The following ZDHHC4 variants were observed in gnomAD, a reference collection of about 807,000 sequenced individuals.
The protein encoded by ZDHHC4 is zDHHC palmitoyltransferase 4.
In ZDHHC4, 42 loss-of-function variants were observed where a neutral mutation model predicts 36.7. That is an observed-to-expected ratio of 1.14 (90% CI 0.89 to 1.48). ZDHHC4 has a LOEUF of 1.48. Ranked by LOEUF, ZDHHC4 falls within the 40% of genes most tolerant of loss-of-function variation. ZDHHC4 has a pLI of 0.00. For synonymous variants in ZDHHC4, 189 were observed against 166.6 expected (o/e 1.13, Z -1.03); for missense variants, 457 against 421.5 (o/e 1.08, Z -0.74).
rs145081908 is a variant in ZDHHC4 at position 6,588,682 on chromosome 7, C to G, written c.807C>G (p.Leu269=). 6.1e-5 allele frequency: 98 copies of G among 1,614,084 alleles called. No homozygotes were observed. Among genetic ancestry groups the G allele is most frequent in the Non-Finnish European group, 2.7e-5 (32 of 1,180,036 alleles). ...MLGFVVVLSF[L]LGGYLLFVLY... ...GCTTTGTCGTGGTTCTGAGCTTCCT[C>G]CTGGGTGGCTACCTGTTGTTTGTCC... The change falls in exon 8 of 8, where the codon CTC becomes CTG. Residue 269 remains leucine, a synonymous_variant. Coordinates refer to ENST00000335965, the MANE Select transcript of ZDHHC4 (RefSeq NM_001134389.2).
rs770489720 is a variant in ZDHHC4, at chr7:6,583,380, G to A, written c.445G>A (p.Val149Met). 1.7e-5 allele frequency: 28 copies of A among 1,613,926 alleles called. No individual in the cohort carries two copies. In the East Asian group the frequency reaches 5.1e-4, roughly 30 times the overall value. Residue 149 changes from valine (V) to methionine (M), a missense_variant, in exon 6 of 8, where the codon GTG becomes ATG. By Grantham distance (21) the Val-to-Met change is conservative. Transcript: ENST00000335965. ...EFDEVMFPKN[V>M]RCSTCDLRKP... is the part of the protein sequence containing the mutation. Reference sequence around the variant, plus strand: ...TGATGAAGTGATGTTTCCAAAGAACGTGAGGTGCTCTACTTGTGATTTAAG... The same window carrying A: ...TGATGAAGTGATGTTTCCAAAGAACATGAGGTGCTCTACTTGTGATTTAAG...
intron 2 of ZDHHC4, among the ~76,000 whole-genome samples, chr7:6,580,074 G>T (rs890654185): frequency 2.0e-5 from 3 of 152,128 alleles, no homozygotes; most frequent in Non-Finnish European, 1.5e-5. Flanking sequence ...GGCGGAGGTT[G>T]CAGTGAGCCA....
At chr7:6,580,119 G>C (rs1166560779) in intron 2 of ZDHHC4, among the ~76,000 whole-genome samples, 2 of 151,736 alleles carry the variant, frequency 1.3e-5, no homozygotes, top group Non-Finnish European at 2.9e-5. Context: ...TGGGTAACAA[G>C]AGTGAAACTC....
chr7:6,585,376 C>A, intron 7 of ZDHHC4, 116 bp downstream of exon 7: 1 of 1,427,330 alleles, frequency 7.0e-7, no homozygotes, highest in Middle Eastern at 2.5e-4. Flanking sequence ...ATAATCCCAG[C>A]ACTTTTGGAG....
rs1413273731 is a variant in ZDHHC4, at chr7:6,582,580, C to T, written c.370+329C>T. 3.3e-5 allele frequency among the ~76,000 whole-genome samples: 5 copies of T among 152,224 alleles called. No homozygotes were observed. In the East Asian group the frequency reaches 5.8e-4, roughly 18 times the overall value. On this transcript the variant is annotated intron_variant, in intron 5 of 7. Coordinates refer to ENST00000335965, the MANE Select transcript of ZDHHC4 (RefSeq NM_001134389.2). ...TCGCCCAGGCTGCAGTGCAGTGAGG[C>T]GATCTCAGCTCGCTGCAACCTCCGC...
At chr7:6,584,951 C>T in intron 6 of ZDHHC4, 65 bp from the exon 7 acceptor site, 1 of 1,589,762 alleles carries the variant, frequency 6.3e-7, no homozygotes, top group Non-Finnish European at 8.6e-7. Context: ...AAAATCTCAG[C>T]AGGTGTGCGG....
At position 6,588,665 on chromosome 7, in the gene ZDHHC4, G is replaced by A. The variant is rs762785338; in HGVS notation, c.790G>A (p.Val264Met). The change falls in exon 8 of 8, where the codon GTG (valine) becomes ATG (methionine). Residue 264 changes from valine to methionine, a missense_variant. Physicochemically the swap from Val to Met is conservative, Grantham distance 21. Coordinates refer to ENST00000335965, the MANE Select transcript of ZDHHC4 (RefSeq NM_001134389.2). ...PRIVFMLGFVVVLSFLLGGYL... is the reference protein window; with the variant it reads ...PRIVFMLGFVMVLSFLLGGYL... The stretch of plus-strand genomic sequence containing the variant: ...GATTGTCTTCATGCTGGGCTTTGTC[G>A]TGGTTCTGAGCTTCCTCCTGGGTGG... 2.2e-5 allele frequency: 35 copies of A among 1,614,138 alleles called. 1 individual carries two copies. Among genetic ancestry groups the A allele is most frequent in the South Asian group, 1.6e-4 (15 of 91,082 alleles).
intron 5 of ZDHHC4, 41 bp downstream of exon 5, chr7:6,582,292 A>G: frequency 1.3e-6 from 2 of 1,580,808 alleles, no homozygotes; most frequent in South Asian, 1.1e-5. Context: ...TGACAGCTCC[A>G]CTGTCTTACT....
Position 6,585,154 on chromosome 7 carries a change from G to A in ZDHHC4, c.635G>A (p.Ser212Asn). 6.2e-7 allele frequency: 1 copy of A among 1,614,160 alleles called. No homozygotes were observed. The highest frequency in any genetic ancestry group is 1.7e-5 in the Admixed American group (1 of 59,998). The change falls in exon 7 of 8, where the codon AGC becomes AAC. Residue 212 changes from serine to asparagine, a missense_variant. By Grantham distance (46) the Ser-to-Asn change is conservative. Coordinates refer to ENST00000335965, the MANE Select transcript of ZDHHC4 (RefSeq NM_001134389.2). The part of the protein sequence containing the change: ...TASAATVAIV[S>N]TTFLVHLVVM... ...TCGGCTGCCACCGTCGCCATTGTGAGCACCACTTTTCTGGTCCACTTGGTG... is the reference window on the plus strand; with the variant it reads ...TCGGCTGCCACCGTCGCCATTGTGAACACCACTTTTCTGGTCCACTTGGTG...
At position 6,583,342 on chromosome 7, in the gene ZDHHC4, A is replaced by G. The variant is rs1177935336; in HGVS notation, c.407A>G (p.His136Arg). 2 of 1,613,790 alleles carry G rather than the reference A, an allele frequency of 1.2e-6. No homozygotes were observed. Among genetic ancestry groups the G allele is most frequent in the Non-Finnish European group, 1.7e-6 (2 of 1,179,902 alleles). Residue 136 changes from histidine (H) to arginine (R), a missense_variant, in exon 6 of 8, where the codon CAT becomes CGT. By Grantham distance (29) the His-to-Arg change is conservative. Transcript: ENST00000335965. ...AAAGCAAATGAATTATTATTTCTTC[A>G]TGTTTATGAATTTGATGAAGTGATG... ...ITKANELLFL[H>R]VYEFDEVMFP...
In ZDHHC4 at chr7:6,580,593, T is replaced by G. The variant is rs765666669; in HGVS notation, c.32T>G (p.Leu11Arg). The G allele has an allele frequency of 1.6e-5, 26 of 1,614,072 alleles. 1 individual carries two copies. The South Asian group carries it at 2.6e-4, about 16-fold the overall frequency. ...TTTCTGGTCCTCTTCTTGTTCTACC[T>G]GGCTTCGGTGCTGATGGGTCTTGTT... The part of the protein sequence containing the change: MDFLVLFLFY[L>R]ASVLMGLVLI... Residue 11 changes from leucine to arginine, a missense_variant, in exon 3 of 8, where the codon CTG becomes CGG. Transcript: ENST00000335965.
At chr7:6,581,124 G>C (rs940005459) in intron 3 of ZDHHC4, 14 of 239,698 alleles carry the variant, frequency 5.8e-5, no homozygotes, top group African/African-American at 3.2e-4. Context: ...TCCGCCTGGG[G>C]CACTTAATGG....
At position 6,585,068 on chromosome 7, in the gene ZDHHC4, C is replaced by G. The variant is rs367965665; in HGVS notation, c.549C>G (p.Asn183Lys). ...TCGACCATCACTGTGTTTGGGTGAA[C>G]AACTGCATCGGGGCCTGGAACATCA... is the stretch of plus-strand genomic sequence containing the variant. The part of the protein sequence containing the change: ...HRFDHHCVWV[N>K]NCIGAWNIRY... Residue 183 changes from asparagine (N) to lysine (K), a missense_variant, in exon 7 of 8, where the codon AAC (asparagine) becomes AAG (lysine). Coordinates refer to ENST00000335965, the MANE Select transcript of ZDHHC4 (RefSeq NM_001134389.2). 11 of 1,614,022 alleles carry G rather than the reference C, an allele frequency of 6.8e-6. No homozygotes were observed. The East Asian group carries it at 2.5e-4, about 36-fold the overall frequency.
chr7:6,584,865 C>T (rs150436602), intron 6 of ZDHHC4, 151 bp from the exon 7 acceptor site: 8 of 1,172,350 alleles, frequency 6.8e-6, no homozygotes, highest in Non-Finnish European at 3.5e-6. Context: ...TACTGGACAC[C>T]ACAGTTCCAA....
intron 7 of ZDHHC4, among the ~76,000 whole-genome samples, chr7:6,588,165 CCT>C (rs772690558): frequency 3.0e-4 from 45 of 152,238 alleles, no homozygotes; most frequent in Non-Finnish European, 4.3e-4. Context: ...GCGCCCGGCC[CCT>C]GTTTCTATTT....
intron 7 of ZDHHC4, among the ~76,000 whole-genome samples, chr7:6,586,132 AAC>A (rs1390697098): frequency 2.0e-5 from 3 of 151,848 alleles, no homozygotes; most frequent in Non-Finnish European, 4.4e-5. Context: ...CAGCCTGGGC[AAC>A]AAGAGCGAAA....
At chr7:6,584,696 T>G (rs55692035) in intron 6 of ZDHHC4, among the ~76,000 whole-genome samples, 1 of 152,176 alleles carries the variant, frequency 6.6e-6, no homozygotes, top group East Asian at 1.9e-4. Flanking sequence ...TGCTGTGACG[T>G]GATCATAGCT....
At chr7:6,581,503 C>G (rs1780851719) in intron 3 of ZDHHC4, 104 bp from the exon 4 acceptor site, 2 of 845,216 alleles carry the variant, frequency 2.4e-6, no homozygotes, top group East Asian at 2.5e-5. Context: ...GGAAACAAAA[C>G]TTACTATCAC....
At chr7:6,586,578 C>A (rs1269942727) in intron 7 of ZDHHC4, among the ~76,000 whole-genome samples, 1 of 152,132 alleles carries the variant, frequency 6.6e-6, no homozygotes, top group Non-Finnish European at 1.5e-5. Context: ...CAGGTTCAAG[C>A]AATTCTCCTG....
Sources: allele counts gnomAD v4.1 joint callset (sites outside exome capture counted in the v4.1 genomes callset), GRCh38; gene constraint gnomAD v4.1.1; transcripts MANE v1.5; gene names NCBI Gene and HGNC (gene_info 2026-07-23, HGNC 2026-07-21).